Variants in NEB observed in about 807,000 individuals in gnomAD.
The protein encoded by NEB is nemaline myopathy type 2.
NEB carries 512 observed loss-of-function variants against 952.2 expected under a neutral mutation model. That is an observed-to-expected ratio of 0.54 (90% CI 0.50 to 0.58). The LOEUF (loss-of-function observed/expected upper bound fraction) is 0.58. NEB is among the 20% of genes least tolerant of loss of function. NEB has a pLI of 0.00. For synonymous variants in NEB, 2,900 were observed against 3,149.8 expected (o/e 0.92, Z 2.66); for missense variants, 8,428 against 9,231.1 (o/e 0.91, Z 3.56).
rs1230967932 is a variant in NEB, at chr2:151,692,124, A to G, written c.2041T>C (p.Tyr681His). 5 of 1,613,984 alleles carry G rather than the reference A, an allele frequency of 3.1e-6. No individual in the cohort carries two copies. Among genetic ancestry groups the G allele is most frequent in the Non-Finnish European group, 4.2e-6 (5 of 1,179,868 alleles). Residue 681 changes from tyrosine to histidine, a missense_variant, in exon 22 of 182, where the codon TAT (tyrosine) becomes CAT (histidine). Tyr to His is a moderately conservative substitution (Grantham distance 83, BLOSUM62 2). Coordinates refer to ENST00000397345, the MANE Select transcript of NEB (RefSeq NM_001164508.2). Reference sequence around the variant, plus strand: ...TATGGGTCCTCCATGCTGCCTACATAATGTCCCAAAACATCCTTTACATAT... The same window carrying G: ...TATGGGTCCTCCATGCTGCCTACATGATGTCCCAAAACATCCTTTACATAT... ...DLYVKDVLGHYVGSMEDPYHT... is the reference protein window; with the variant it reads ...DLYVKDVLGHHVGSMEDPYHT...
chr2:151,506,263 G>A lies in NEB; in HGVS notation c.23557-5C>T, dbSNP rs779147165. ...GACATCCTCTTTATATAAAACCTGG[G>A]CATTCAGAATCAGGACAGTGTTAAC... On this transcript the variant is annotated splice_region_variant and splice_polypyrimidine_tract_variant and intron_variant, in intron 163 of 181. Coordinates refer to ENST00000397345, the MANE Select transcript of NEB (RefSeq NM_001164508.2). 5 of 1,604,134 alleles carry A rather than the reference G, an allele frequency of 3.1e-6. No homozygotes were observed. The highest frequency in any genetic ancestry group is 3.4e-6 in the Non-Finnish European group (4 of 1,171,128).
chr2:151,505,615 G>A (rs1242991485), intron 164 of NEB, 45 bp from the exon 165 acceptor site: 1 of 1,461,210 alleles, frequency 6.8e-7, no homozygotes, highest in Admixed American at 1.7e-5. Context: ...TTACATGCTG[G>A]ACTGTTATTC....
In NEB at chr2:151,614,530, T is replaced by C; in HGVS notation, c.11347A>G (p.Ile3783Val). The C allele has an allele frequency of 4.3e-6, 7 of 1,613,952 alleles. No homozygotes were observed. The highest frequency in any genetic ancestry group is 5.9e-6 in the Non-Finnish European group (7 of 1,179,856). Reference protein sequence around the residue: ...QLGHHIGARNIKDDPKMMWSI... With the variant: ...QLGHHIGARNVKDDPKMMWSI... Reference sequence around the variant, plus strand: ...CACATCATCTTCGGGTCATCCTTAATGTTCCGGGCCCCAATATGGTGGCCA... The same window carrying C: ...CACATCATCTTCGGGTCATCCTTAACGTTCCGGGCCCCAATATGGTGGCCA... The change falls in exon 77 of 182, where the codon ATT (isoleucine) becomes GTT (valine). Residue 3783 changes from isoleucine to valine, a missense_variant. Around this residue, in one of 11 missense-constraint regions of NEB, gnomAD observed 1,772 missense variants for 1,960.3 expected, o/e 0.90. Coordinates refer to ENST00000397345, the MANE Select transcript of NEB (RefSeq NM_001164508.2).
At chr2:151,679,508 G>C (rs2099398708) in intron 32 of NEB, among the ~76,000 whole-genome samples, 3 of 152,138 alleles carry the variant, frequency 2.0e-5, no homozygotes, top group African/African-American at 7.2e-5. Flanking sequence ...AAATGAGGGG[G>C]CTTGATTAGA....
Position 151,485,840 on chromosome 2 carries a change from C to T in NEB, c.25498G>A (p.Asp8500Asn), listed in dbSNP as rs1574251962. The change falls in exon 182 of 182, where the codon GAT becomes AAT. Residue 8500 changes from aspartate to asparagine, a missense_variant. Transcript: ENST00000397345. ...GDAIINVQAI[D>N]EGWMYGTVQR... ...ACAGTGCCATACATCCAGCCTTCAT[C>T]AATTGCTTGAACATTTATGATGGCA... 1.2e-6 allele frequency: 2 copies of T among 1,614,078 alleles called. No individual in the cohort carries two copies. The highest frequency in any genetic ancestry group is 2.2e-5 in the South Asian group (2 of 91,082).
chr2:151,630,822 A>T lies in NEB; in HGVS notation c.9619-3T>A. 1 of 1,572,192 alleles carries T rather than the reference A, an allele frequency of 6.4e-7. No homozygotes were observed. Reference sequence around the variant, plus strand: ...TCCCAGGCCTCTGTGTATAAACGCTATAAAAGAAGATAAGATGCTGATTAA... The same window carrying T: ...TCCCAGGCCTCTGTGTATAAACGCTTTAAAAGAAGATAAGATGCTGATTAA... On this transcript the variant is annotated splice_region_variant and splice_polypyrimidine_tract_variant and intron_variant, in intron 66 of 181. Transcript: ENST00000397345.
intron 153 of NEB, among the ~76,000 whole-genome samples, chr2:151,522,871 G>A (rs1559509366): frequency 6.6e-6 from 1 of 152,120 alleles, no homozygotes; most frequent in Non-Finnish European, 1.5e-5. Flanking sequence ...GTCAGAACAG[G>A]GAAAGCCCAC....
chr2:151,725,677 G>A, intron 5 of NEB, 117 bp from the exon 6 acceptor site: 1 of 775,892 alleles, frequency 1.3e-6, no homozygotes, highest in South Asian at 1.9e-5. Context: ...AATTATAATA[G>A]CTTTCTTTTT....
chr2:151,519,274 C>A (rs1356611156), intron 154 of NEB, among the ~76,000 whole-genome samples: 1 of 152,120 alleles, frequency 6.6e-6, no homozygotes, highest in Non-Finnish European at 1.5e-5. Flanking sequence ...CATATACATA[C>A]AATGGAATAT....
intron 176 of NEB, 57 bp from the exon 177 acceptor site, chr2:151,492,551 C>G (rs558033751): frequency 7.6e-7 from 1 of 1,319,478 alleles, no homozygotes; most frequent in East Asian, 2.3e-5. Context: ...AACCTCAAAG[C>G]CTTTCCAGCA....
intron 63 of NEB, among the ~76,000 whole-genome samples, chr2:151,638,494 T>C (rs1022362321): frequency 1.1e-4 from 17 of 152,202 alleles, no homozygotes; most frequent in African/African-American, 4.1e-4. Context: ...CACAGATTTG[T>C]TCTGTGCAGC....
At chr2:151,723,560 T>A in intron 8 of NEB, 74 bp from the exon 9 acceptor site, 3 of 1,098,090 alleles carry the variant, frequency 2.7e-6, no homozygotes, top group Non-Finnish European at 4.1e-6. Context: ...TTTGAATTCA[T>A]CCATTAATAA....
chr2:151,550,132 T>C (rs775094638), intron 129 of NEB, among the ~76,000 whole-genome samples: 3 of 151,988 alleles, frequency 2.0e-5, no homozygotes, highest in Non-Finnish European at 4.4e-5. Flanking sequence ...CCAGGCATGG[T>C]GGCGTGTACC....
Position 151,636,262 on chromosome 2 carries a change from C to G in NEB, c.9067G>C (p.Val3023Leu). Residue 3023 changes from valine to leucine, a missense_variant, in exon 64 of 182, where the codon GTG becomes CTG. Val to Leu is a conservative substitution (Grantham distance 32). Coordinates refer to ENST00000397345, the MANE Select transcript of NEB (RefSeq NM_001164508.2). ...ATGTCCCTGGAGGCCTTGGCCGCCA[C>G]GATGGGGATGGCGTCGCTTCGCAAG... Reference protein sequence around the residue: ...YDLRSDAIPIVAAKASRDIIS... With the variant: ...YDLRSDAIPILAAKASRDIIS... 1 of 1,610,388 alleles carries G rather than the reference C, an allele frequency of 6.2e-7. No individual in the cohort carries two copies. The highest frequency in any genetic ancestry group is 8.5e-7 in the Non-Finnish European group (1 of 1,179,756).
At chr2:151,727,644 ATTTC>A in intron 5 of NEB, 43 bp downstream of exon 5, 1 of 1,553,612 alleles carries the variant, frequency 6.4e-7, no homozygotes, top group Non-Finnish European at 8.8e-7. Flanking sequence ...GAGATAAGTA[ATTTC>A]TTAATAATCA....
intron 13 of NEB, among the ~76,000 whole-genome samples, chr2:151,698,426 G>A (rs1576762721): frequency 6.6e-6 from 1 of 151,976 alleles, no homozygotes; most frequent in Non-Finnish European, 1.5e-5. Context: ...AGGGAGAATA[G>A]GTATGAGGTT....
intron 9 of NEB, among the ~76,000 whole-genome samples, chr2:151,721,046 C>T (rs541839240): frequency 6.6e-6 from 1 of 152,284 alleles, no homozygotes; most frequent in African/African-American, 2.4e-5. Context: ...AGTCTACAGT[C>T]AGAAGCTCCT....
intron 54 of NEB, among the ~76,000 whole-genome samples, chr2:151,646,848 C>T (rs141955633): frequency 0.013 from 1,909 of 152,258 alleles, 24 homozygotes; most frequent in Non-Finnish European, 0.02. Flanking sequence ...CAGGGTTTCG[C>T]TACGTTGTGC....
At chr2:151,729,986 G>C (rs1436220798) in intron 3 of NEB, among the ~76,000 whole-genome samples, 10 of 152,174 alleles carry the variant, frequency 6.6e-5, no homozygotes, top group Admixed American at 6.5e-4. Flanking sequence ...AGAATTTGCT[G>C]AGAAGAGAAT....
Sources: gnomAD v4.1 joint callset for allele counts (sites outside exome capture counted in the v4.1 genomes callset) on GRCh38, gnomAD v4.1.1 for gene constraint, gnomAD v4.1.1 regional missense constraint, MANE v1.5 for transcripts, NCBI Gene and HGNC (gene_info 2026-07-23, HGNC 2026-07-21) for gene names.